The following TSNARE1 variants were observed in gnomAD, a reference collection of about 807,000 sequenced individuals.
The protein encoded by TSNARE1 is t-SNARE domain containing 1.
Under a neutral mutation model 62.0 loss-of-function variants are expected in TSNARE1, and 49 were observed. The ratio of observed to expected loss-of-function variants is 0.79; its 90% confidence interval spans 0.63 to 1.00. The LOEUF is 1.00. TSNARE1 is among the 50% of genes least tolerant of loss of function. The probability of loss-of-function intolerance (pLI) is 0.00; values close to 1 mark genes in which losing one functional copy is unlikely to be tolerated. For missense variants in TSNARE1, 755 were observed against 700.1 expected (o/e 1.08, Z -0.88); for synonymous variants, 328 against 294.4 (o/e 1.11, Z -1.17).
chr8:142,233,396 C>T (rs1251183790), intron 12 of TSNARE1, among the ~76,000 whole-genome samples: 1 of 152,114 alleles, frequency 6.6e-6, no homozygotes. Flanking sequence ...GGAAGCCTGG[C>T]CTCATCCACA....
At chr8:142,280,432 C>T in intron 11 of TSNARE1, 1 of 620,880 alleles carries the variant, frequency 1.6e-6, no homozygotes, top group Non-Finnish European at 2.0e-6. Flanking sequence ...GCGGCCAGGC[C>T]TCGCATCGGC....
chr8:142,359,864 T>C (rs1419388899), intron 1 of TSNARE1, among the ~76,000 whole-genome samples: 1 of 152,210 alleles, frequency 6.6e-6, no homozygotes, highest in Non-Finnish European at 1.5e-5. Flanking sequence ...ATGCCACTCC[T>C]GTCCCAGCAG....
chr8:142,237,623 G>C (rs1320726454), intron 12 of TSNARE1, among the ~76,000 whole-genome samples: 1 of 152,186 alleles, frequency 6.6e-6, no homozygotes, highest in Non-Finnish European at 1.5e-5. Flanking sequence ...CGTTTGGTCC[G>C]TGGCCGCATG....
chr8:142,282,366 A>C (rs1305257948), intron 11 of TSNARE1, among the ~76,000 whole-genome samples: 2 of 152,278 alleles, frequency 1.3e-5, no homozygotes, highest in African/African-American at 4.8e-5. Context: ...AGTATCTGTC[A>C]ACGAGCGGAG....
chr8:142,396,210 G>C (rs949628510), intron 1 of TSNARE1, among the ~76,000 whole-genome samples: 24 of 151,850 alleles, frequency 1.6e-4, no homozygotes, highest in African/African-American at 5.6e-4. Flanking sequence ...TGACACCCAG[G>C]GTCAGGCTCA....
intron 12 of TSNARE1, among the ~76,000 whole-genome samples, chr8:142,248,734 G>A (rs1818011436): frequency 6.6e-6 from 1 of 152,054 alleles, no homozygotes; most frequent in South Asian, 2.1e-4. Context: ...GGCATCCTGG[G>A]CTCAGACAGT....
chr8:142,254,628 T>G (rs1224954636), intron 12 of TSNARE1, among the ~76,000 whole-genome samples: 1 of 152,056 alleles, frequency 6.6e-6, no homozygotes, highest in Admixed American at 6.6e-5. Context: ...TCCCCCACCA[T>G]GCTGGCTGTG....
intron 3 of TSNARE1, among the ~76,000 whole-genome samples, chr8:142,344,773 C>G (rs1431684176): frequency 1.3e-5 from 2 of 152,200 alleles, no homozygotes; most frequent in African/African-American, 4.8e-5. Context: ...GTGCAGGAGC[C>G]GAGCAGGCTA....
At chr8:142,390,714 A>C (rs61554940) in intron 1 of TSNARE1, among the ~76,000 whole-genome samples, 4 of 1,166 alleles carry the variant, frequency 3.4e-3, no homozygotes, top group Admixed American at 0.012. Flanking sequence ...CCGTAACAGA[A>C]GCTGTACACT....
chr8:142,242,672 G>T (rs973638339), intron 12 of TSNARE1, among the ~76,000 whole-genome samples: 1 of 152,160 alleles, frequency 6.6e-6, no homozygotes, highest in African/African-American at 2.4e-5. Flanking sequence ...CATACAAAAA[G>T]CTAACAGGGC....
Position 142,318,970 on chromosome 8 carries a change from C to A in TSNARE1, c.894-336G>T, listed in dbSNP as rs183672707. ...AGACAGGCAGACACCCAGCAAGAGA[C>A]GGGGGAGACGGGCAGACACCCAGCA... On this transcript the variant is annotated intron_variant, in intron 6 of 13. Transcript: ENST00000524325. 2.7e-5 allele frequency among the ~76,000 whole-genome samples: 4 copies of A among 147,074 alleles called. No individual in the cohort carries two copies. The South Asian group carries it at 6.7e-4, about 25-fold the overall frequency.
chr8:142,276,615 AC>A (rs1820546322), intron 11 of TSNARE1: 1 of 985,248 alleles, frequency 1.0e-6, no homozygotes, highest in African/African-American at 1.7e-5. Flanking sequence ...CTGGCTGGAC[AC>A]TTTCTCTGCC....
intron 12 of TSNARE1, among the ~76,000 whole-genome samples, chr8:142,252,707 G>C (rs554105632): frequency 6.6e-6 from 1 of 152,226 alleles, no homozygotes; most frequent in Non-Finnish European, 1.5e-5. Context: ...TGCGAGGGCC[G>C]TTGTTTACTT....
At chr8:142,222,208 ATCCG>A (rs1259210926) in intron 13 of TSNARE1, among the ~76,000 whole-genome samples, 6 of 47,686 alleles carry the variant, frequency 1.3e-4, no homozygotes, top group African/African-American at 2.5e-4. Flanking sequence ...TCACTCACTC[ATCCG>A]CTCATTCACT....
chr8:142,391,556 C>T (rs1837532014), intron 1 of TSNARE1, among the ~76,000 whole-genome samples: 1 of 152,364 alleles, frequency 6.6e-6, no homozygotes, highest in South Asian at 2.1e-4. Context: ...TGAGCCAGGG[C>T]TCTGGCACCC....
chr8:142,327,546 C>A (rs938715621), intron 6 of TSNARE1, among the ~76,000 whole-genome samples: 1 of 152,202 alleles, frequency 6.6e-6, no homozygotes, highest in African/African-American at 2.4e-5. Flanking sequence ...CTCTCTGGCC[C>A]CCTCACAGAG....
chr8:142,348,381 A>G (rs998658848), intron 2 of TSNARE1, among the ~76,000 whole-genome samples: 2 of 152,184 alleles, frequency 1.3e-5, no homozygotes, highest in Non-Finnish European at 2.9e-5. Context: ...CACAAATCAC[A>G]TGTGGTGAAC....
At chr8:142,376,423 G>A (rs889822457) in intron 1 of TSNARE1, among the ~76,000 whole-genome samples, 1 of 152,186 alleles carries the variant, frequency 6.6e-6, no homozygotes, top group African/African-American at 2.4e-5. Context: ...AACAGGTCAT[G>A]AGACAAAGCC....
At chr8:142,302,555 T>TCC (rs1263411706) in intron 9 of TSNARE1, among the ~76,000 whole-genome samples, 10 of 151,932 alleles carry the variant, frequency 6.6e-5, no homozygotes, top group Non-Finnish European at 1.2e-4. Context: ...TCCCTTGCTG[T>TCC]CCCCACCCCC....
Sources: allele counts gnomAD v4.1 joint callset (sites outside exome capture counted in the v4.1 genomes callset), GRCh38; gene constraint gnomAD v4.1.1; transcripts MANE v1.5; gene names NCBI Gene and HGNC (gene_info 2026-07-23, HGNC 2026-07-21).